Variants in CECR2 observed in about 807,000 individuals in gnomAD.
CECR2 encodes the protein chromatin remodeling regulator CECR2.
Under a neutral mutation model 154.5 loss-of-function variants are expected in CECR2, and 30 were observed. The observed-to-expected ratio is 0.19, with a 90% CI of 0.15 to 0.26. CECR2 has a LOEUF of 0.26. CECR2 is among the 10% of genes least tolerant of loss of function. The probability of loss-of-function intolerance (pLI) is 1.00; values close to 1 mark genes in which losing one functional copy is unlikely to be tolerated. For synonymous variants in CECR2, 725 were observed against 683.7 expected (o/e 1.06, Z -0.94); for missense variants, 1,743 against 1,829.3 (o/e 0.95, Z 0.86).
intron 1 of CECR2, among the ~76,000 whole-genome samples, chr22:17,370,983 C>T (rs545842537): frequency 2.6e-5 from 4 of 151,988 alleles, no homozygotes; most frequent in Non-Finnish European, 4.4e-5. Flanking sequence ...ATGGGTTCGC[C>T]GACGCAGTAA....
At chr22:17,504,374 C>CA (rs928123122) in intron 6 of CECR2, among the ~76,000 whole-genome samples, 76 of 151,026 alleles carry the variant, frequency 5.0e-4, no homozygotes, top group African/African-American at 1.7e-3. Flanking sequence ...GACGTTGTCT[C>CA]AAAAAAAATA....
At chr22:17,412,604 G>A (rs2054083782) in intron 1 of CECR2, among the ~76,000 whole-genome samples, 1 of 152,148 alleles carries the variant, frequency 6.6e-6, no homozygotes, top group Non-Finnish European at 1.5e-5. Flanking sequence ...ATTGCTATGG[G>A]ATCAGAGACA....
chr22:17,384,648 G>T (rs1423034078), intron 1 of CECR2, among the ~76,000 whole-genome samples: 1 of 152,152 alleles, frequency 6.6e-6, no homozygotes, highest in African/African-American at 2.4e-5. Context: ...TGTTATCCAG[G>T]TTTTGTTTTC....
chr22:17,453,332 C>T (rs888393468), intron 1 of CECR2, among the ~76,000 whole-genome samples: 10 of 152,248 alleles, frequency 6.6e-5, no homozygotes, highest in Middle Eastern at 3.4e-3. Flanking sequence ...ATCCCAGCTA[C>T]TCGGGAAGCT....
Position 17,394,197 on chromosome 22 carries a change from C to CTTTTTTTTTTTTTTTTTTTTTTTTTTT in CECR2, c.126+24314_126+24315insTTTTTTTTTTTTTTTTTTTTTTTTTTT, listed in dbSNP as rs71200271. 2.1e-5 allele frequency among the ~76,000 whole-genome samples: 2 copies of CTTTTTTTTTTTTTTTTTTTTTTTTTTT among 97,088 alleles called. 1 individual carries two copies. Among genetic ancestry groups the CTTTTTTTTTTTTTTTTTTTTTTTTTTT allele is most frequent in the African/African-American group, 8.4e-5 (2 of 23,876 alleles). 63.7% of individuals were successfully genotyped at this position (97,088 alleles called of 152,430 possible). On this transcript the variant is annotated intron_variant, in intron 1 of 18. Transcript: ENST00000262608. ...CCACCGCGCCCAGCTGCTGCCGCTG[C>CTTTTTTTTTTTTTTTTTTTTTTTTTTT]TTTTTTTTTTTTTTTTTTTTTTTTT...
At chr22:17,488,223 A>G (rs1354122974) in intron 2 of CECR2, among the ~76,000 whole-genome samples, 2 of 152,138 alleles carry the variant, frequency 1.3e-5, no homozygotes, top group East Asian at 1.9e-4. Flanking sequence ...TGCGTAATAG[A>G]TTCCCTAATT....
intron 1 of CECR2, among the ~76,000 whole-genome samples, chr22:17,404,241 A>G (rs534899388): frequency 1.4e-5 from 2 of 139,922 alleles, no homozygotes; most frequent in East Asian, 4.4e-4. Flanking sequence ...CCTGGATGAC[A>G]GTGCGAGACT....
Position 17,548,398 on chromosome 22 carries a change from A to C in CECR2, c.3111A>C (p.Gln1037His). 2 of 1,613,784 alleles carry C rather than the reference A, an allele frequency of 1.2e-6. No homozygotes were observed. The highest frequency in any genetic ancestry group is 1.7e-6 in the Non-Finnish European group (2 of 1,179,784). Residue 1037 changes from glutamine to histidine, a missense_variant, in exon 17 of 19, where the codon CAA becomes CAC. Gln to His is a conservative substitution (Grantham distance 24). Around this residue, in one of 4 missense-constraint regions of CECR2, gnomAD observed 1,250 missense variants for 1,192.1 expected, o/e 1.05. Transcript: ENST00000262608. ...GCAGCTACCCCGGCCCAGCCGCCCA[A>C]GGGTGCGTGAGAGACCTCTCCACGG... ...SDSSYPGPAAQGCVRDLSTVA... is the reference protein window; with the variant it reads ...SDSSYPGPAAHGCVRDLSTVA...
intron 1 of CECR2, chr22:17,419,378 C>T: frequency 5.6e-6 from 1 of 177,220 alleles, no homozygotes; most frequent in Admixed American, 5.9e-5. Context: ...CTTGCAGAAG[C>T]CACCTGGGGA....
chr22:17,545,842 C>CA (rs112121132), intron 16 of CECR2, among the ~76,000 whole-genome samples: 22,330 of 89,310 alleles, frequency 0.25, 2,049 homozygotes, highest in Admixed American at 0.32. Flanking sequence ...GACTCCGTCT[C>CA]AAAAAAAAAA....
chr22:17,466,573 C>A (rs946456867), intron 1 of CECR2, among the ~76,000 whole-genome samples: 2 of 150,778 alleles, frequency 1.3e-5, no homozygotes, highest in Admixed American at 6.6e-5. Flanking sequence ...AAGATGGTAA[C>A]CACTATTGTT....
chr22:17,362,799 G>C (rs1444529471), intron 1 of CECR2, among the ~76,000 whole-genome samples: 1 of 150,570 alleles, frequency 6.6e-6, no homozygotes, highest in East Asian at 2.0e-4. Flanking sequence ...CTACTCGGGA[G>C]GCTGAGGCAG....
rs1237152097 is a variant in CECR2 at position 17,477,621 on chromosome 22, G to A, written c.160G>A (p.Glu54Lys). ...LEAALHRDDV[E>K]FISDLIACLL... ...AGCCGCTCTTCACAGAGATGACGTGGAGTTTATCAGTGACCTGATTGCCTG... is the reference window on the plus strand; with the variant it reads ...AGCCGCTCTTCACAGAGATGACGTGAAGTTTATCAGTGACCTGATTGCCTG... Residue 54 changes from glutamate (E) to lysine (K), a missense_variant, in exon 2 of 19, where the codon GAG (glutamate) becomes AAG (lysine). Physicochemically the swap from Glu to Lys is moderately conservative, Grantham distance 56. Around this residue, in one of 4 missense-constraint regions of CECR2, gnomAD observed 98 missense variants for 169.3 expected, o/e 0.58. Coordinates refer to ENST00000262608, the MANE Select transcript of CECR2 (RefSeq NM_001290047.2). 15 of 1,613,608 alleles carry A rather than the reference G, an allele frequency of 9.3e-6. No homozygotes were observed. The highest frequency in any genetic ancestry group is 1.3e-5 in the Non-Finnish European group (15 of 1,179,610).
chr22:17,541,915 C>T lies in CECR2; in HGVS notation c.1961C>T (p.Pro654Leu), dbSNP rs1296794. The change falls in exon 15 of 19, where the codon CCG becomes CTG. Residue 654 changes from proline (P) to leucine (L), a missense_variant. By Grantham distance (98) the Pro-to-Leu change is moderately conservative. This residue lies in a region of CECR2 where 1,250 missense variants were observed against 1,192.1 expected (regional missense o/e 1.05). Transcript: ENST00000262608. ...ACCTTGTATGGCTCCTCTGGAGTCCCGGAGCCACACCCCGGGGAGCCTGTG... is the reference window on the plus strand; with the variant it reads ...ACCTTGTATGGCTCCTCTGGAGTCCTGGAGCCACACCCCGGGGAGCCTGTG... ...PATLYGSSGV[P>L]EPHPGEPVQQ... is the part of the protein sequence containing the mutation. 0.18 allele frequency: 291,776 copies of T among 1,613,530 alleles called. 29,083 individuals carry two copies. Among genetic ancestry groups the T allele is most frequent in the Non-Finnish European group, 0.2 (241,150 of 1,179,678 alleles).
intron 8 of CECR2, among the ~76,000 whole-genome samples, chr22:17,512,726 AAAG>A (rs2055981793): frequency 1.6e-5 from 2 of 124,834 alleles, no homozygotes; most frequent in African/African-American, 9.6e-5. Flanking sequence ...AAAAAAAAAG[AAAG>A]AAAGAAAAGA....
At chr22:17,502,595 A>G (rs2055758321) in intron 5 of CECR2, among the ~76,000 whole-genome samples, 2 of 152,200 alleles carry the variant, frequency 1.3e-5, no homozygotes, top group African/African-American at 4.8e-5. Flanking sequence ...TGAGGTCAGG[A>G]GTTCAAGACC....
intron 1 of CECR2, among the ~76,000 whole-genome samples, chr22:17,432,319 G>T (rs2054437845): frequency 6.6e-6 from 1 of 152,124 alleles, no homozygotes; most frequent in South Asian, 2.1e-4. Flanking sequence ...TTCCTTTATT[G>T]CCAGATACCA....
intron 17 of CECR2, among the ~76,000 whole-genome samples, chr22:17,551,644 C>G (rs961530087): frequency 2.0e-5 from 3 of 152,110 alleles, no homozygotes; most frequent in African/African-American, 7.2e-5. Flanking sequence ...GATCCTGTCT[C>G]TAGTGAAAAT....
At chr22:17,442,503 G>C (rs1371720843) in intron 1 of CECR2, among the ~76,000 whole-genome samples, 2 of 152,174 alleles carry the variant, frequency 1.3e-5, no homozygotes, top group Non-Finnish European at 2.9e-5. Context: ...TGGAGCCCAG[G>C]AGTTCAAGGC....
Sources: gnomAD v4.1 joint callset for allele counts (sites outside exome capture counted in the v4.1 genomes callset) on GRCh38, gnomAD v4.1.1 for gene constraint, gnomAD v4.1.1 regional missense constraint, MANE v1.5 for transcripts, NCBI Gene and HGNC (gene_info 2026-07-23, HGNC 2026-07-21) for gene names.